The following DOCK2 variants were observed in gnomAD, a reference collection of about 807,000 sequenced individuals.
DOCK2 encodes the protein dedicator of cytokinesis 2.
In DOCK2, 87 loss-of-function variants were observed where a neutral mutation model predicts 248.9. The ratio of observed to expected loss-of-function variants is 0.35; its 90% confidence interval spans 0.29 to 0.42. The LOEUF (loss-of-function observed/expected upper bound fraction) is 0.42. Ranked by LOEUF, DOCK2 falls within the 10% of genes least tolerant of loss-of-function variation. DOCK2 has a pLI of 1.00. For missense variants in DOCK2, 1,747 were observed against 2,300.2 expected (o/e 0.76, Z 4.92); for synonymous variants, 805 against 821.6 (o/e 0.98, Z 0.35).
intron 34 of DOCK2, among the ~76,000 whole-genome samples, chr5:170,031,621 G>T (rs1443765209): frequency 2.6e-5 from 4 of 152,174 alleles, no homozygotes; most frequent in Non-Finnish European, 5.9e-5. Context: ...ATATATTATG[G>T]TTAATTTTTA....
In DOCK2 at chr5:169,728,101, A is replaced by G. The variant is rs527792404; in HGVS notation, c.2267+9310A>G. On this transcript the variant is annotated intron_variant, in intron 22 of 51. Coordinates refer to ENST00000520908, the MANE Select transcript of DOCK2 (RefSeq NM_004946.3). ...CAGAACTAATTGAATGTAGGAATGG[A>G]ATTCAAGGAGAGGGCCAAGCCAGAT... 4.6e-5 allele frequency among the ~76,000 whole-genome samples: 7 copies of G among 152,298 alleles called. No homozygotes were observed. The South Asian group carries it at 1.5e-3, about 32-fold the overall frequency.
At chr5:169,782,133 G>A (rs261581) in intron 25 of DOCK2, among the ~76,000 whole-genome samples, 23,488 of 152,036 alleles carry the variant, frequency 0.15, 1,894 homozygotes, top group Non-Finnish European at 0.18. Context: ...TATTTCAGGG[G>A]ACTACAGCGA....
intron 27 of DOCK2, chr5:169,934,681 T>G (rs259899): frequency 0.11 from 48,889 of 455,818 alleles, 3,572 homozygotes; most frequent in African/African-American, 0.29. Context: ...CTGAACCGAT[T>G]GGGTGCTACG....
chr5:169,687,296 GA>G (rs927773886), intron 8 of DOCK2, among the ~76,000 whole-genome samples: 16 of 152,030 alleles, frequency 1.1e-4, no homozygotes, highest in African/African-American at 3.6e-4. Flanking sequence ...AGATCTTACT[GA>G]AAAAAACACA....
intron 46 of DOCK2, among the ~76,000 whole-genome samples, chr5:170,071,805 A>G (rs1274562062): frequency 1.3e-5 from 2 of 152,208 alleles, no homozygotes; most frequent in Non-Finnish European, 2.9e-5. Context: ...ACTCATTCTT[A>G]AACACTATAG....
chr5:169,735,951 G>GGAGA (rs144466698), intron 22 of DOCK2, among the ~76,000 whole-genome samples: 9 of 146,810 alleles, frequency 6.1e-5, no homozygotes, highest in African/African-American at 2.0e-4. Context: ...GGGGGGAGAG[G>GGAGA]GAGAGAGAGA....
chr5:169,883,873 C>A, intron 27 of DOCK2: 1 of 1,514,774 alleles, frequency 6.6e-7, no homozygotes, highest in South Asian at 1.3e-5. Flanking sequence ...AAGCACAGGT[C>A]TCACTTTCAT....
At chr5:169,674,880 T>C (rs1339518707) in intron 6 of DOCK2, among the ~76,000 whole-genome samples, 2 of 152,158 alleles carry the variant, frequency 1.3e-5, no homozygotes, top group African/African-American at 4.8e-5. Context: ...ATTACAAAAA[T>C]GTTTCCTCAA....
chr5:169,983,055 T>C lies in DOCK2; in HGVS notation c.2800-13T>C. The C allele has an allele frequency of 6.2e-7, 1 of 1,613,858 alleles. No homozygotes were observed. Among genetic ancestry groups the C allele is most frequent in the African/African-American group, 1.3e-5 (1 of 75,038 alleles). ...TCTCAACTATTTATAGTATTTGTCT[T>C]CATTTCTTGCAGAGTCACTTTGTGG... On this transcript the variant is annotated splice_polypyrimidine_tract_variant and intron_variant, in intron 27 of 51. Coordinates refer to ENST00000520908, the MANE Select transcript of DOCK2 (RefSeq NM_004946.3).
At chr5:169,778,501 A>G (rs1412374557) in intron 25 of DOCK2, among the ~76,000 whole-genome samples, 7 of 152,186 alleles carry the variant, frequency 4.6e-5, no homozygotes, top group Admixed American at 2.6e-4. Flanking sequence ...TGTAGGCACA[A>G]AAGTCAGGAA....
At chr5:169,649,495 C>T (rs1757678220) in intron 1 of DOCK2, among the ~76,000 whole-genome samples, 1 of 152,244 alleles carries the variant, frequency 6.6e-6, no homozygotes, top group Non-Finnish European at 1.5e-5. Flanking sequence ...GATTGCACTT[C>T]TACTGTGGGC....
chr5:169,984,490 G>T lies in DOCK2; in HGVS notation c.2898+1324G>T, dbSNP rs192039653. On this transcript the variant is annotated intron_variant, in intron 28 of 51. Transcript: ENST00000520908. ...AAGTAGATATTATTCCCATTCTGCT[G>T]ACGTGGAAACTAGGACTTAAAGTGT... Among the ~76,000 whole-genome samples, 9 of 152,296 alleles carry T rather than the reference G, an allele frequency of 5.9e-5. No homozygotes were observed. The East Asian group carries it at 1.7e-3, about 29-fold the overall frequency.
rs1490744717 is a variant in DOCK2, at chr5:169,983,391, G to C, written c.2898+225G>C. ...TGTCACATGCTAGCTGTGTGACCAT[G>C]GTCAGGTGAATCCTTTTATGCCTCA... On this transcript the variant is annotated intron_variant, in intron 28 of 51. Coordinates refer to ENST00000520908, the MANE Select transcript of DOCK2 (RefSeq NM_004946.3). 3.3e-5 allele frequency among the ~76,000 whole-genome samples: 5 copies of C among 152,310 alleles called. No individual in the cohort carries two copies. The East Asian group carries it at 9.7e-4, about 29-fold the overall frequency.
intron 44 of DOCK2, 71 bp from the exon 45 acceptor site, chr5:170,067,439 A>G: frequency 6.7e-7 from 1 of 1,498,304 alleles, no homozygotes; most frequent in South Asian, 1.3e-5. Context: ...AGTGAAATCA[A>G]TACCAATAAT....
chr5:169,926,354 A>G (rs1775455707), intron 27 of DOCK2, among the ~76,000 whole-genome samples: 1 of 152,204 alleles, frequency 6.6e-6, no homozygotes, highest in Non-Finnish European at 1.5e-5. Flanking sequence ...TGTCTGAAAA[A>G]TGAACTTCTT....
At chr5:169,742,033 G>T (rs1335989327) in intron 22 of DOCK2, among the ~76,000 whole-genome samples, 1 of 151,924 alleles carries the variant, frequency 6.6e-6, no homozygotes, top group East Asian at 1.9e-4. Context: ...AGCCAGGATG[G>T]TCTCAATCTC....
intron 5 of DOCK2, 131 bp downstream of exon 5, chr5:169,671,305 C>T (rs924517418): frequency 7.7e-5 from 53 of 687,114 alleles, no homozygotes; most frequent in Non-Finnish European, 1.1e-4. Context: ...CACACTATTA[C>T]GTGTGAGGAC....
At chr5:169,806,215 G>T (rs374915278) in intron 26 of DOCK2, among the ~76,000 whole-genome samples, 6 of 130,868 alleles carry the variant, frequency 4.6e-5, no homozygotes, top group Non-Finnish European at 8.1e-5. Context: ...ATATCACCTC[G>T]AGAGTTTTTT....
chr5:170,055,224 G>A, intron 41 of DOCK2, 81 bp from the exon 42 acceptor site: 1 of 1,393,338 alleles, frequency 7.2e-7, no homozygotes, highest in Non-Finnish European at 1.0e-6. Context: ...GGCTGGCCTG[G>A]AAGGTCTCAG....
Sources: allele counts gnomAD v4.1 joint callset (sites outside exome capture counted in the v4.1 genomes callset), GRCh38; gene constraint gnomAD v4.1.1; transcripts MANE v1.5; gene names NCBI Gene and HGNC (gene_info 2026-07-23, HGNC 2026-07-21).